The following ECPAS variants were observed in gnomAD, a reference collection of about 807,000 sequenced individuals.
ECPAS encodes the protein Ecm29 proteasome adaptor and scaffold.
ECPAS carries 70 observed loss-of-function variants against 255.1 expected under a neutral mutation model. The ratio of observed to expected loss-of-function variants is 0.27; its 90% CI spans 0.23 to 0.33. The LOEUF is 0.33. Among genes scored for constraint, ECPAS ranks in the 10% least tolerant of loss-of-function variants. The pLI is 1.00. For synonymous variants in ECPAS, 784 were observed against 775.0 expected (o/e 1.01, Z -0.19); for missense variants, 1,817 against 2,206.4 (o/e 0.82, Z 3.54).
intron 1 of ECPAS, among the ~76,000 whole-genome samples, chr9:111,476,221 A>G (rs2098296077): frequency 6.6e-6 from 1 of 152,230 alleles, no homozygotes; most frequent in Non-Finnish European, 1.5e-5. Flanking sequence ...TTATAATTAT[A>G]AAGCCCAGAA....
intron 30 of ECPAS, 118 bp from the exon 31 acceptor site, chr9:111,389,841 TC>T: frequency 8.2e-7 from 1 of 1,217,370 alleles, no homozygotes; most frequent in Non-Finnish European, 1.1e-6. Context: ...GTCTTTCCAA[TC>T]AACAGCATTT....
At chr9:111,365,324 C>CATT (rs934473942) in intron 48 of ECPAS, among the ~76,000 whole-genome samples, 17 of 149,088 alleles carry the variant, frequency 1.1e-4, no homozygotes, top group African/African-American at 4.2e-4. Context: ...TCATCATCAT[C>CATT]ACCTGGACTG....
intron 25 of ECPAS, among the ~76,000 whole-genome samples, chr9:111,395,281 T>C (rs961238034): frequency 1.3e-5 from 2 of 152,068 alleles, no homozygotes; most frequent in African/African-American, 4.8e-5. Context: ...GGATATTATG[T>C]AGAGATGTTA....
At chr9:111,391,473 A>G (rs2098160064) in intron 29 of ECPAS, among the ~76,000 whole-genome samples, 2 of 152,018 alleles carry the variant, frequency 1.3e-5, no homozygotes, top group South Asian at 4.2e-4. Flanking sequence ...GTTACCTGGG[A>G]AGCTGAGGTA....
intron 31 of ECPAS, among the ~76,000 whole-genome samples, chr9:111,386,966 T>G (rs906412511): frequency 1.3e-5 from 2 of 152,248 alleles, no homozygotes; most frequent in Admixed American, 1.3e-4. Context: ...ATACAATAAC[T>G]GTACTATTTC....
At chr9:111,399,062 A>G (rs977455177) in intron 24 of ECPAS, among the ~76,000 whole-genome samples, 16 of 152,262 alleles carry the variant, frequency 1.1e-4, no homozygotes, top group Non-Finnish European at 2.4e-4. Context: ...TTTGCAACTC[A>G]AAAGAAATGC....
At chr9:111,455,612 G>A (rs747260259) in intron 2 of ECPAS, among the ~76,000 whole-genome samples, 2 of 152,244 alleles carry the variant, frequency 1.3e-5, no homozygotes, top group Non-Finnish European at 2.9e-5. Flanking sequence ...CATTGTGCCT[G>A]TCTGTGCAAA....
At chr9:111,481,363 G>A (rs991548377) in intron 1 of ECPAS, among the ~76,000 whole-genome samples, 3 of 152,078 alleles carry the variant, frequency 2.0e-5, no homozygotes, top group African/African-American at 7.2e-5. Flanking sequence ...AAAATTAGCC[G>A]GGCGTGGTGG....
In ECPAS at chr9:111,385,317, C is replaced by CTGA. The variant is rs1395929513; in HGVS notation, c.3633+17_3633+19dup. The CTGA allele has an allele frequency of 9.8e-6, 11 of 1,121,074 alleles. No homozygotes were observed. The East Asian group carries it at 2.8e-4, about 29-fold the overall frequency. 69.4% of individuals were successfully genotyped at this position (1,121,074 alleles called of 1,614,324 possible). A position where few individuals can be genotyped will look rare whatever the true frequency, so the allele number is the denominator to read the frequency against. On this transcript the variant is annotated intron_variant, in intron 33 of 49. Transcript: ENST00000684092. ...ATTTAACTTTTTGTATATATAAATG[C>CTGA]TGATTTATTTCTATAATACCTTGAT...
At chr9:111,400,756 G>C (rs2184013) in intron 24 of ECPAS, among the ~76,000 whole-genome samples, 4,977 of 152,182 alleles carry the variant, frequency 0.033, 172 homozygotes, top group East Asian at 0.13. Context: ...AGAAGAATGA[G>C]ATACACTTAC....
At chr9:111,433,648 C>T (rs898410356) in intron 7 of ECPAS, among the ~76,000 whole-genome samples, 6 of 152,148 alleles carry the variant, frequency 3.9e-5, no homozygotes, top group Non-Finnish European at 5.9e-5. Context: ...TGGTAAACGA[C>T]GATGGCAGGA....
At chr9:111,456,466 C>G (rs1473182920) in intron 2 of ECPAS, among the ~76,000 whole-genome samples, 1 of 152,190 alleles carries the variant, frequency 6.6e-6, no homozygotes, top group Non-Finnish European at 1.5e-5. Context: ...TATTTTCTAT[C>G]AGGTACACAT....
chr9:111,451,247 T>G (rs2098259922), intron 3 of ECPAS, among the ~76,000 whole-genome samples, 178 bp downstream of exon 3: 1 of 152,212 alleles, frequency 6.6e-6, no homozygotes, highest in Non-Finnish European at 1.5e-5. Flanking sequence ...GCAGCTGTGC[T>G]AAGGATACAA....
In ECPAS at chr9:111,410,988, T is replaced by C; in HGVS notation, c.2369A>G (p.Glu790Gly). ...DQEELIQSAT[E>G]TIGSFLDSTS... is the part of the protein sequence containing the mutation. ...ATAAAGACATTAATTACCTATTGTTTCTGTAGCACTCTGAATGAGTTCCTC... is the reference window on the plus strand; with the variant it reads ...ATAAAGACATTAATTACCTATTGTTCCTGTAGCACTCTGAATGAGTTCCTC... The change falls in exon 22 of 50, where the codon GAA becomes GGA. Residue 790 changes from glutamate to glycine, a missense_variant. Glu to Gly is a moderately conservative substitution (Grantham distance 98, BLOSUM62 -2). Transcript: ENST00000684092. 1 of 1,613,122 alleles carries C rather than the reference T, an allele frequency of 6.2e-7. No homozygotes were observed. Among genetic ancestry groups the C allele is most frequent in the Non-Finnish European group, 8.5e-7 (1 of 1,179,320 alleles).
chr9:111,398,899 T>A (rs1422216202), intron 24 of ECPAS, among the ~76,000 whole-genome samples: 4 of 151,802 alleles, frequency 2.6e-5, no homozygotes, highest in Non-Finnish European at 4.4e-5. Context: ...ATTGCACCAT[T>A]GCACTCCAGC....
intron 7 of ECPAS, among the ~76,000 whole-genome samples, chr9:111,434,365 A>C (rs2098234531): frequency 6.6e-6 from 1 of 152,264 alleles, no homozygotes; most frequent in Non-Finnish European, 1.5e-5. Flanking sequence ...GATGTCCATC[A>C]ATAGGAGACT....
chr9:111,383,201 G>C lies in ECPAS; in HGVS notation c.3803+10C>G. 1 of 1,612,368 alleles carries C rather than the reference G, an allele frequency of 6.2e-7. No homozygotes were observed. ...AATCCAATACATTCATTTCATCAAC[G>C]GATGCACACCTGAGGGCTCGAACTT... On this transcript the variant is annotated intron_variant, in intron 35 of 49. Coordinates refer to ENST00000684092, the MANE Select transcript of ECPAS (RefSeq NM_001364929.1).
intron 35 of ECPAS, among the ~76,000 whole-genome samples, chr9:111,379,533 C>T (rs554364513): frequency 5.3e-5 from 8 of 152,232 alleles, no homozygotes; most frequent in South Asian, 2.1e-4. Flanking sequence ...GCGTGGCTGT[C>T]GTAATTTCTT....
At chr9:111,447,273 T>C (rs540653794) in intron 3 of ECPAS, among the ~76,000 whole-genome samples, 1 of 152,166 alleles carries the variant, frequency 6.6e-6, no homozygotes, top group East Asian at 1.9e-4. Flanking sequence ...TATAAGCACA[T>C]GCTACCATGC....
Sources: gnomAD v4.1 joint callset for allele counts (sites outside exome capture counted in the v4.1 genomes callset) on GRCh38, gnomAD v4.1.1 for gene constraint, MANE v1.5 for transcripts, NCBI Gene and HGNC (gene_info 2026-07-23, HGNC 2026-07-21) for gene names.